CACNB2: variants seen among roughly 807,000 people sequenced by gnomAD.
CACNB2 encodes voltage-dependent L-type calcium channel subunit beta-2.
A neutral mutation model predicts 73.3 loss-of-function variants in CACNB2; 42 were observed. That is an observed-to-expected ratio of 0.57 (90% CI 0.45 to 0.74). The LOEUF is 0.74. CACNB2 is among the 30% of genes least tolerant of loss of function. CACNB2 has a pLI of 0.00. For synonymous variants in CACNB2, 348 were observed against 310.3 expected, an observed-to-expected ratio of 1.12 and a Z score of -1.28; for missense variants, 940 against 853.0, an observed-to-expected ratio of 1.10 and a Z score of -1.27.
At chr10:18,227,692 G>A (rs1406790760) in intron 2 of CACNB2, among the ~76,000 whole-genome samples, 1 of 152,178 alleles carries the variant, frequency 6.6e-6, no homozygotes, top group Admixed American at 6.5e-5. Flanking sequence ...CTACCATAGG[G>A]AAAGGGAGTA....
chr10:18,363,007 C>T (rs983660461), intron 2 of CACNB2, among the ~76,000 whole-genome samples: 1 of 152,172 alleles, frequency 6.6e-6, no homozygotes, highest in Admixed American at 6.5e-5. Context: ...CTAATTGGCT[C>T]TACCTGTGAG....
intron 2 of CACNB2, among the ~76,000 whole-genome samples, chr10:18,217,988 G>A (rs961621888): frequency 7.2e-5 from 11 of 152,036 alleles, no homozygotes; most frequent in African/African-American, 1.9e-4. Context: ...TTGTGTCTTC[G>A]GTATAATACT....
At chr10:18,163,811 G>A (rs1301858891) in intron 2 of CACNB2, among the ~76,000 whole-genome samples, 1 of 152,142 alleles carries the variant, frequency 6.6e-6, no homozygotes, top group African/African-American at 2.4e-5. Context: ...GGAGTTCTGT[G>A]AGAGAGACCA....
chr10:18,484,685 G>T (rs2048968847), intron 3 of CACNB2, among the ~76,000 whole-genome samples: 1 of 152,124 alleles, frequency 6.6e-6, no homozygotes, highest in African/African-American at 2.4e-5. Flanking sequence ...AGGATATAAG[G>T]ATTCAAGCCC....
intron 2 of CACNB2, among the ~76,000 whole-genome samples, chr10:18,288,173 C>T (rs1391066465): frequency 6.6e-6 from 1 of 152,232 alleles, no homozygotes; most frequent in Non-Finnish European, 1.5e-5. Flanking sequence ...AATCAGGCCA[C>T]ATTCTGAGGT....
intron 1 of CACNB2, chr10:18,141,129 T>C: frequency 6.5e-7 from 1 of 1,540,114 alleles, no homozygotes; most frequent in South Asian, 1.2e-5. Context: ...TCTCCCGGGT[T>C]GCTCCAGCTG....
intron 2 of CACNB2, among the ~76,000 whole-genome samples, chr10:18,276,177 A>G (rs1747067777): frequency 6.6e-6 from 1 of 152,222 alleles, no homozygotes. Context: ...AAAAGTGGTG[A>G]GCTCAGACAA....
intron 2 of CACNB2, among the ~76,000 whole-genome samples, chr10:18,264,227 A>G (rs1452379858): frequency 1.3e-5 from 2 of 152,228 alleles, no homozygotes; most frequent in South Asian, 2.1e-4. Flanking sequence ...TATGGGGTAC[A>G]TAAGATGCTT....
At chr10:18,380,994 G>A (rs1166292908) in intron 2 of CACNB2, among the ~76,000 whole-genome samples, 1 of 151,622 alleles carries the variant, frequency 6.6e-6, no homozygotes, top group African/African-American at 2.4e-5. Flanking sequence ...CTCTGTGGTG[G>A]GCTGCCTTGC....
chr10:18,512,200 C>T (rs531923860), intron 6 of CACNB2, among the ~76,000 whole-genome samples: 2 of 152,292 alleles, frequency 1.3e-5, no homozygotes, highest in East Asian at 3.9e-4. Context: ...ATGAGGAAAC[C>T]AGTGGCATAT....
At chr10:18,505,645 C>G (rs1382922485) in intron 5 of CACNB2, among the ~76,000 whole-genome samples, 4 of 152,090 alleles carry the variant, frequency 2.6e-5, no homozygotes, top group Non-Finnish European at 5.9e-5. Flanking sequence ...GATCATTTTG[C>G]CCAAATGTAA....
At chr10:18,461,469 A>G (rs2047572548) in intron 3 of CACNB2, among the ~76,000 whole-genome samples, 1 of 150,850 alleles carries the variant, frequency 6.6e-6, no homozygotes, top group African/African-American at 2.4e-5. Flanking sequence ...AGATATATTT[A>G]TATTTTTTGA....
intron 2 of CACNB2, among the ~76,000 whole-genome samples, chr10:18,349,259 G>A (rs1254726891): frequency 6.6e-6 from 1 of 152,202 alleles, no homozygotes; most frequent in Admixed American, 6.5e-5. Flanking sequence ...TTTGAAGGAT[G>A]TGATGCTGTG....
chr10:18,399,312 T>C (rs1000614446), intron 2 of CACNB2, among the ~76,000 whole-genome samples: 1 of 152,216 alleles, frequency 6.6e-6, no homozygotes, highest in Non-Finnish European at 1.5e-5. Context: ...ATTTCTCCCT[T>C]GTAAATTTGC....
chr10:18,499,805 TA>T (rs60864177), intron 4 of CACNB2, among the ~76,000 whole-genome samples: 47,702 of 117,398 alleles, frequency 0.41, 9,220 homozygotes, highest in African/African-American at 0.42. Flanking sequence ...ACCCCATCTC[TA>T]AAAAAAAAAA....
chr10:18,468,011 A>T (rs2047989848), intron 3 of CACNB2, among the ~76,000 whole-genome samples: 1 of 152,204 alleles, frequency 6.6e-6, no homozygotes, highest in African/African-American at 2.4e-5. Context: ...TTCACAATGT[A>T]TGACTTGGGC....
intron 2 of CACNB2, chr10:18,261,196 G>A (rs749985180): frequency 3.3e-5 from 51 of 1,549,394 alleles, no homozygotes; most frequent in Non-Finnish European, 4.2e-5. Flanking sequence ...GAAATGGACC[G>A]AGGCTGTGAC....
chr10:18,535,083 T>C (rs983032293), intron 11 of CACNB2, among the ~76,000 whole-genome samples: 2 of 152,250 alleles, frequency 1.3e-5, no homozygotes, highest in Non-Finnish European at 2.9e-5. Context: ...GATGTTTTAA[T>C]AATGTATAAT....
chr10:18,455,531 T>G (rs2047236203), intron 3 of CACNB2, among the ~76,000 whole-genome samples: 3 of 152,230 alleles, frequency 2.0e-5, no homozygotes. Context: ...AAATACCAAC[T>G]GGCTCTTCCT....
Sources: gnomAD v4.1 joint callset for allele counts (sites outside exome capture counted in the v4.1 genomes callset) on GRCh38, gnomAD v4.1.1 for gene constraint, MANE v1.5 for transcripts, NCBI Gene and HGNC (gene_info 2026-07-23, HGNC 2026-07-21) for gene names.